BCKDHB: variants seen among roughly 807,000 people sequenced by gnomAD.
BCKDHB encodes 2-oxoisovalerate dehydrogenase subunit beta, mitochondrial.
In BCKDHB, 41 loss-of-function variants were observed where a neutral mutation model predicts 48.5. The observed-to-expected ratio is 0.85, with a 90% CI of 0.66 to 1.10. The LOEUF (loss-of-function observed/expected upper bound fraction) is 1.10. BCKDHB is among the 50% of genes least tolerant of loss of function. The probability of loss-of-function intolerance (pLI) is 0.00; values close to 1 mark genes in which losing one functional copy is unlikely to be tolerated. For missense variants in BCKDHB, 496 were observed against 494.2 expected, an observed-to-expected ratio of 1.00 and a Z score of -0.03; for synonymous variants, 201 against 174.8, an observed-to-expected ratio of 1.15 and a Z score of -1.18.
chr6:80,132,944 A>G (rs1017904405), intron 3 of BCKDHB, among the ~76,000 whole-genome samples: 1 of 152,248 alleles, frequency 6.6e-6, no homozygotes, highest in Non-Finnish European at 1.5e-5. Flanking sequence ...ATACAGAAGC[A>G]TAACTGTCTG....
intron 6 of BCKDHB, among the ~76,000 whole-genome samples, chr6:80,178,615 C>T (rs1773273872): frequency 2.0e-5 from 3 of 152,158 alleles, no homozygotes; most frequent in Admixed American, 1.3e-4. Context: ...GTGCTAGACG[C>T]TGGGCTATCT....
At chr6:80,275,822 A>T (rs3805896) in intron 9 of BCKDHB, among the ~76,000 whole-genome samples, 4 of 151,848 alleles carry the variant, frequency 2.6e-5, no homozygotes, top group Non-Finnish European at 5.9e-5. Context: ...GTTCCATATT[A>T]TAAGTGAAAC....
chr6:80,458,432 G>A, the BCKDHB span, among the ~76,000 whole-genome samples: 9 of 152,340 alleles, frequency 5.9e-5, no homozygotes, highest in East Asian at 1.7e-3. Context: ...TTGTTTAGTG[G>A]ATGGAAGAAG....
At chr6:80,216,170 A>G (rs1456553637) in intron 8 of BCKDHB, among the ~76,000 whole-genome samples, 1 of 152,164 alleles carries the variant, frequency 6.6e-6, no homozygotes, top group African/African-American at 2.4e-5. Context: ...TCATTATTTT[A>G]TAGGGAAGAA....
At chr6:80,403,694 G>T in the BCKDHB span, among the ~76,000 whole-genome samples, 1 of 151,852 alleles carries the variant, frequency 6.6e-6, no homozygotes, top group Non-Finnish European at 1.5e-5. Context: ...TCACCTTTGG[G>T]TATAATGTTA....
intron 1 of BCKDHB, among the ~76,000 whole-genome samples, chr6:80,116,419 A>G (rs1415593510): frequency 6.6e-6 from 1 of 152,242 alleles, no homozygotes; most frequent in Non-Finnish European, 1.5e-5. Context: ...CATTCAACAA[A>G]TATTTATTTA....
intron 9 of BCKDHB, among the ~76,000 whole-genome samples, chr6:80,295,796 T>C (rs887309097): frequency 6.6e-6 from 1 of 151,404 alleles, no homozygotes. Flanking sequence ...GTGAGACTTA[T>C]TCACTATCAT....
rs559960095 is a variant in BCKDHB, at chr6:80,263,465, T to A, written c.952-9670T>A. ...TATACACTACAAAAGATATGTGTAA[T>A]TTTTGCTGAAATATCCTTTGAGTTT... is the stretch of plus-strand genomic sequence containing the variant. On this transcript the variant is annotated intron_variant, in intron 8 of 9. Coordinates refer to ENST00000320393, the MANE Select transcript of BCKDHB (RefSeq NM_183050.4). Among the ~76,000 whole-genome samples the A allele has an allele frequency of 3.3e-5, 5 of 152,280 alleles. No individual in the cohort carries two copies. The South Asian group carries it at 1.0e-3, about 32-fold the overall frequency.
At chr6:80,406,113 A>T in the BCKDHB span, among the ~76,000 whole-genome samples, 1 of 152,068 alleles carries the variant, frequency 6.6e-6, no homozygotes, top group Non-Finnish European at 1.5e-5. Context: ...GCTGAGAATG[A>T]TGGTTTCCAG....
At chr6:80,126,293 G>C (rs1770336474) in intron 1 of BCKDHB, among the ~76,000 whole-genome samples, 1 of 152,114 alleles carries the variant, frequency 6.6e-6, no homozygotes, top group African/African-American at 2.4e-5. Flanking sequence ...TCAGAAGTCT[G>C]GAGTATCGGT....
intron 1 of BCKDHB, among the ~76,000 whole-genome samples, chr6:80,118,129 A>C (rs1198831081): frequency 6.6e-6 from 1 of 152,190 alleles, no homozygotes; most frequent in African/African-American, 2.4e-5. Flanking sequence ...ATATACTTGA[A>C]GAATATTTAT....
intron 8 of BCKDHB, among the ~76,000 whole-genome samples, chr6:80,224,503 C>T (rs973077858): frequency 8.5e-5 from 13 of 152,214 alleles, no homozygotes; most frequent in South Asian, 2.1e-4. Context: ...AGTGATCCCC[C>T]GACTTCAGCC....
chr6:80,416,513 T>A, the BCKDHB span, among the ~76,000 whole-genome samples: 4 of 152,002 alleles, frequency 2.6e-5, no homozygotes, highest in Admixed American at 2.0e-4. Context: ...AGCTTCTTGA[T>A]TTCTGCTTTA....
the BCKDHB span, among the ~76,000 whole-genome samples, chr6:80,352,245 T>C: frequency 6.6e-6 from 1 of 152,014 alleles, no homozygotes; most frequent in Admixed American, 6.5e-5. Flanking sequence ...TCCAAAATGC[T>C]GGGACTACAG....
chr6:80,343,265 T>A (rs553963650), intron 9 of BCKDHB, among the ~76,000 whole-genome samples: 3 of 152,376 alleles, frequency 2.0e-5, no homozygotes, highest in Admixed American at 6.5e-5. Context: ...AAGTAATACA[T>A]GTGCATTGTA....
intron 9 of BCKDHB, among the ~76,000 whole-genome samples, chr6:80,316,231 TTTAA>T (rs1358329610): frequency 1.3e-5 from 2 of 152,248 alleles, no homozygotes; most frequent in African/African-American, 4.8e-5. Context: ...TGAATTATTT[TTTAA>T]TTCACAGTCC....
intron 6 of BCKDHB, among the ~76,000 whole-genome samples, chr6:80,193,467 C>T (rs1005737966): frequency 6.6e-6 from 1 of 152,044 alleles, no homozygotes; most frequent in Admixed American, 6.5e-5. Context: ...GCCTGTAATC[C>T]CAGCACTTTG....
At chr6:80,169,591 T>G (rs1004628791) in intron 5 of BCKDHB, among the ~76,000 whole-genome samples, 2 of 152,152 alleles carry the variant, frequency 1.3e-5, no homozygotes, top group African/African-American at 2.4e-5. Flanking sequence ...TCACAAAAGC[T>G]TAGGTCTTTT....
At chr6:80,439,634 TA>T in the BCKDHB span, among the ~76,000 whole-genome samples, 2 of 152,202 alleles carry the variant, frequency 1.3e-5, no homozygotes, top group African/African-American at 4.8e-5. Context: ...GGCCACTTTT[TA>T]AAGGGCTAAA....
Sources: gnomAD v4.1 joint callset for allele counts (sites outside exome capture counted in the v4.1 genomes callset) on GRCh38, gnomAD v4.1.1 for gene constraint, MANE v1.5 for transcripts, NCBI Gene and HGNC (gene_info 2026-07-23, HGNC 2026-07-21) for gene names.